Variants in RBM47 observed in about 807,000 individuals in gnomAD.
RBM47 encodes the protein RNA binding motif protein 47, also known as RNA-binding protein 47.
A neutral mutation model predicts 47.1 loss-of-function variants in RBM47; 21 were observed. The ratio of observed to expected loss-of-function variants is 0.45; its 90% CI spans 0.32 to 0.64. The LOEUF (loss-of-function observed/expected upper bound fraction) is 0.64. Among genes scored for constraint, RBM47 ranks in the 30% least tolerant of loss-of-function variants. The pLI, the probability that RBM47 is intolerant of heterozygous loss-of-function variation, is 0.05. For missense variants in RBM47, 708 were observed against 870.9 expected (o/e 0.81, Z 2.35); for synonymous variants, 375 against 361.7 (o/e 1.04, Z -0.42).
intron 2 of RBM47, among the ~76,000 whole-genome samples, chr4:40,490,458 T>C (rs1300257888): frequency 6.6e-6 from 1 of 152,090 alleles, no homozygotes; most frequent in East Asian, 1.9e-4. Context: ...AAAAGCAATA[T>C]AGAAAAATCA....
intron 1 of RBM47, among the ~76,000 whole-genome samples, chr4:40,592,950 TATATATATATATATATATATATATATATA>T (rs1474477836): frequency 6.4e-4 from 6 of 9,394 alleles, no homozygotes; most frequent in South Asian, 3.5e-3. Context: ...TATATATATA[TATATATATATATATATATATATATATATA>T]TTTTTTTTTT....
intron 1 of RBM47, among the ~76,000 whole-genome samples, chr4:40,588,156 A>T (rs981664498): frequency 2.0e-5 from 3 of 152,204 alleles, no homozygotes; most frequent in Non-Finnish European, 4.4e-5. Context: ...GTAAATCTGA[A>T]TATCAGATAA....
At chr4:40,581,267 T>A (rs1732880364) in intron 1 of RBM47, among the ~76,000 whole-genome samples, 1 of 151,594 alleles carries the variant, frequency 6.6e-6, no homozygotes, top group African/African-American at 2.4e-5. Context: ...ACAAAACATT[T>A]AAAAATTAGC....
At chr4:40,449,901 C>T (rs1438241189) in intron 3 of RBM47, among the ~76,000 whole-genome samples, 2 of 152,094 alleles carry the variant, frequency 1.3e-5, no homozygotes, top group East Asian at 1.9e-4. Flanking sequence ...AGCCTGGTCT[C>T]GAACTCCTGG....
chr4:40,492,996 A>C (rs1722093730), intron 2 of RBM47, among the ~76,000 whole-genome samples: 1 of 152,190 alleles, frequency 6.6e-6, no homozygotes, highest in Non-Finnish European at 1.5e-5. Flanking sequence ...CAACCAAGCT[A>C]AACAAAGCAA....
chr4:40,488,809 T>C (rs1025151283), intron 2 of RBM47, among the ~76,000 whole-genome samples: 1 of 152,246 alleles, frequency 6.6e-6, no homozygotes, highest in Admixed American at 6.5e-5. Context: ...TTAATCTTTA[T>C]TGAACAGTTG....
At chr4:40,523,486 A>T (rs1726405716) in intron 2 of RBM47, among the ~76,000 whole-genome samples, 1 of 152,034 alleles carries the variant, frequency 6.6e-6, no homozygotes, top group Non-Finnish European at 1.5e-5. Context: ...CCCTGTCTCT[A>T]CCAAAAATAC....
Position 40,438,743 on chromosome 4 carries a change from C to A in RBM47, c.151G>T (p.Gly51Trp), listed in dbSNP as rs777636369. Reference protein sequence around the residue: ...RTGYSMVQENGQRKYGGPPPG... With the variant: ...RTGYSMVQENWQRKYGGPPPG... Reference sequence around the variant, plus strand: ...GGTGGGCCGCCGTACTTGCGCTGCCCGTTCTCTTGCACCATGCTGTAGCCC... The same window carrying A: ...GGTGGGCCGCCGTACTTGCGCTGCCAGTTCTCTTGCACCATGCTGTAGCCC... Residue 51 changes from glycine (G) to tryptophan (W), a missense_variant, in exon 4 of 7, where the codon GGG becomes TGG. By Grantham distance (184) the Gly-to-Trp change is radical (BLOSUM62 -2). Coordinates refer to ENST00000295971, the MANE Select transcript of RBM47 (RefSeq NM_001098634.2). 4 of 1,598,580 alleles carry A rather than the reference C, an allele frequency of 2.5e-6. No homozygotes were observed. The Admixed American group carries it at 6.9e-5, about 27-fold the overall frequency.
intron 3 of RBM47, among the ~76,000 whole-genome samples, chr4:40,445,173 CTGAGGCAGGAGAATGGCG>C (rs1201247847): frequency 1.3e-5 from 2 of 149,408 alleles, no homozygotes; most frequent in Admixed American, 6.7e-5. Context: ...ACAGGGGAGG[CTGAGGCAGGAGAATGGCG>C]TGAGCCCGAG....
At chr4:40,542,144 G>A (rs1728609105) in intron 2 of RBM47, among the ~76,000 whole-genome samples, 1 of 152,072 alleles carries the variant, frequency 6.6e-6, no homozygotes, top group Non-Finnish European at 1.5e-5. Context: ...TGATACACAA[G>A]GTAAGATTTC....
intron 1 of RBM47, among the ~76,000 whole-genome samples, chr4:40,611,353 TC>T (rs1307027006): frequency 6.6e-6 from 1 of 152,212 alleles, no homozygotes; most frequent in Non-Finnish European, 1.5e-5. Context: ...ATTTTGTATC[TC>T]CAATGCCTGA....
intron 2 of RBM47, among the ~76,000 whole-genome samples, chr4:40,496,729 C>T (rs552782218): frequency 6.6e-6 from 1 of 152,132 alleles, no homozygotes; most frequent in Non-Finnish European, 1.5e-5. Flanking sequence ...TAGTACCATT[C>T]CTGCTTTTAG....
chr4:40,473,824 A>T (rs1719247821), intron 2 of RBM47, among the ~76,000 whole-genome samples: 1 of 152,222 alleles, frequency 6.6e-6, no homozygotes, highest in South Asian at 2.1e-4. Flanking sequence ...TCCTGCTAAC[A>T]CCTAACAAAA....
At chr4:40,458,245 A>T (rs1716586867) in intron 3 of RBM47, among the ~76,000 whole-genome samples, 1 of 152,240 alleles carries the variant, frequency 6.6e-6, no homozygotes, top group Non-Finnish European at 1.5e-5. Context: ...GCCTGTCCTG[A>T]AACAAAGGCT....
At chr4:40,475,285 T>A (rs886505288) in intron 2 of RBM47, among the ~76,000 whole-genome samples, 1 of 152,178 alleles carries the variant, frequency 6.6e-6, no homozygotes, top group Non-Finnish European at 1.5e-5. Flanking sequence ...ATCTTAAAAT[T>A]ATAATTTCCT....
intron 1 of RBM47, among the ~76,000 whole-genome samples, chr4:40,578,782 C>A (rs1271161069): frequency 6.6e-6 from 1 of 152,194 alleles, no homozygotes; most frequent in African/African-American, 2.4e-5. Flanking sequence ...GGGTAACGCA[C>A]ACAAAGTGCT....
rs555877308 is a variant in RBM47, at chr4:40,455,633, C to T, written c.-32+10944G>A. 4.6e-5 allele frequency: 7 copies of T among 152,288 alleles called. No homozygotes were observed. The East Asian group carries it at 1.4e-3, about 29-fold the overall frequency. The allele number at this position is 152,288 out of a possible 1,614,324, so 9.4% of individuals were successfully genotyped here. On this transcript the variant is annotated intron_variant, in intron 3 of 6. Transcript: ENST00000295971. ...CAAAAATTAGCCAGGTGTGGTGGCT[C>T]CAGCTACTCAGGAGGCGGAGGTGGG...
intron 2 of RBM47, among the ~76,000 whole-genome samples, chr4:40,525,646 A>C (rs1294948437): frequency 6.7e-6 from 1 of 149,688 alleles, no homozygotes; most frequent in South Asian, 2.1e-4. Context: ...GAGGAAGGGG[A>C]AAAAAAGGAT....
chr4:40,601,308 AG>A (rs1254293998), intron 1 of RBM47, among the ~76,000 whole-genome samples: 2 of 152,174 alleles, frequency 1.3e-5, no homozygotes, highest in African/African-American at 4.8e-5. Context: ...GCCTGGCCCA[AG>A]GGAAGTTCTT....
Sources: gnomAD v4.1 joint callset for allele counts (sites outside exome capture counted in the v4.1 genomes callset) on GRCh38, gnomAD v4.1.1 for gene constraint, MANE v1.5 for transcripts, NCBI Gene and HGNC (gene_info 2026-07-23, HGNC 2026-07-21) for gene names.